The following PEBP4 variants were observed in gnomAD, a reference collection of about 807,000 sequenced individuals.
PEBP4 encodes phosphatidylethanolamine-binding protein 4.
PEBP4 carries 22 observed loss-of-function variants against 23.9 expected under a neutral mutation model. The ratio of observed to expected loss-of-function variants is 0.92; its 90% CI spans 0.66 to 1.31. The LOEUF (loss-of-function observed/expected upper bound fraction) is 1.31, where lower values mean the gene tolerates loss of function less well. Ranked by LOEUF, PEBP4 falls within the 40% of genes most tolerant of loss-of-function variation. The pLI is 0.00. For missense variants in PEBP4, 324 were observed against 281.7 expected (o/e 1.15, Z -1.07); for synonymous variants, 112 against 99.3 (o/e 1.13, Z -0.76).
rs114992934 is a variant in PEBP4, at chr8:22,718,184, G to C, written c.518-4648C>G. Among the ~76,000 whole-genome samples, 991 of 152,172 alleles carry C rather than the reference G, an allele frequency of 6.5e-3. 6 individuals carry two copies. The highest frequency in any genetic ancestry group is 0.022 in the African/African-American group (921 of 41,500). On this transcript the variant is annotated intron_variant, in intron 6 of 6. Coordinates refer to ENST00000256404, the MANE Select transcript of PEBP4 (RefSeq NM_144962.3). The stretch of plus-strand genomic sequence containing the variant: ...GCAGAGTTTCGGGGTGGTGAGGGGT[G>C]ACCTGCGTCTCCTCTGGAGAGAGGA...
chr8:22,736,107 T>C (rs1044993673), intron 4 of PEBP4, among the ~76,000 whole-genome samples: 1 of 152,134 alleles, frequency 6.6e-6, no homozygotes, highest in Admixed American at 6.6e-5. Flanking sequence ...GGGGAACTCC[T>C]GCTTGGCGAA....
At chr8:22,819,985 A>C (rs529462577) in intron 3 of PEBP4, among the ~76,000 whole-genome samples, 3 of 152,284 alleles carry the variant, frequency 2.0e-5, no homozygotes, top group East Asian at 1.9e-4. Flanking sequence ...TAGAGATGAC[A>C]GAGAGGAGGA....
intron 3 of PEBP4, among the ~76,000 whole-genome samples, chr8:22,862,524 G>A (rs577856955): frequency 7.0e-6 from 1 of 143,422 alleles, no homozygotes; most frequent in South Asian, 2.3e-4. Context: ...GAGGAGCTGG[G>A]AGTACAGTCA....
intron 3 of PEBP4, among the ~76,000 whole-genome samples, chr8:22,877,530 A>C (rs1257926350): frequency 1.3e-5 from 2 of 152,168 alleles, no homozygotes; most frequent in African/African-American, 4.8e-5. Flanking sequence ...ATGGCTGGGA[A>C]ACTAGCTGGG....
chr8:22,910,741 A>G (rs1808920255), intron 3 of PEBP4, among the ~76,000 whole-genome samples: 1 of 152,232 alleles, frequency 6.6e-6, no homozygotes. Flanking sequence ...CCAACTTTAC[A>G]ACATTCTGGA....
intron 3 of PEBP4, among the ~76,000 whole-genome samples, chr8:22,911,717 C>T (rs1010060506): frequency 3.3e-5 from 5 of 152,036 alleles, no homozygotes; most frequent in African/African-American, 1.2e-4. Context: ...CCCAACATAC[C>T]GCTGTGAACA....
At chr8:22,910,836 T>C (rs1379801757) in intron 3 of PEBP4, among the ~76,000 whole-genome samples, 1 of 152,198 alleles carries the variant, frequency 6.6e-6, no homozygotes, top group African/African-American at 2.4e-5. Flanking sequence ...ACGGAGGATT[T>C]TCAGGGCAAT....
intron 3 of PEBP4, among the ~76,000 whole-genome samples, chr8:22,844,378 T>G (rs1251671226): frequency 3.9e-5 from 6 of 152,186 alleles, no homozygotes; most frequent in Non-Finnish European, 4.4e-5. Flanking sequence ...TAGCTGGGAT[T>G]ACAGGCATGC....
At chr8:22,785,372 C>T (rs1159269011) in intron 4 of PEBP4, among the ~76,000 whole-genome samples, 1 of 152,182 alleles carries the variant, frequency 6.6e-6, no homozygotes, top group Non-Finnish European at 1.5e-5. Context: ...AAGTGCCCCT[C>T]TGCATTTCCT....
At position 22,859,243 on chromosome 8, in the gene PEBP4, A is replaced by G. The variant is rs1807717020; in HGVS notation, c.259-41508T>C. Among the ~76,000 whole-genome samples, 3 of 152,214 alleles carry G rather than the reference A, an allele frequency of 2.0e-5. No individual in the cohort carries two copies. In the South Asian group the frequency reaches 6.2e-4, roughly 32 times the overall value. On this transcript the variant is annotated intron_variant, in intron 3 of 6. Transcript: ENST00000256404. ...ACTCCCCCCGTGGAGCCTGCACCCC[A>G]GGAGAAAGTCAAAGATGGAAAATCC...
chr8:22,777,606 G>T (rs1805838655), intron 4 of PEBP4, among the ~76,000 whole-genome samples: 1 of 152,180 alleles, frequency 6.6e-6, no homozygotes, highest in South Asian at 2.1e-4. Flanking sequence ...AGCTCCATCG[G>T]ATACAGGGTT....
At chr8:22,773,616 G>A (rs765812822) in intron 4 of PEBP4, among the ~76,000 whole-genome samples, 7 of 152,134 alleles carry the variant, frequency 4.6e-5, no homozygotes, top group South Asian at 2.1e-4. Context: ...AAAGTCATCC[G>A]CAGGCCTTCC....
At chr8:22,743,410 C>T (rs1805041366) in intron 4 of PEBP4, among the ~76,000 whole-genome samples, 1 of 152,228 alleles carries the variant, frequency 6.6e-6, no homozygotes, top group Non-Finnish European at 1.5e-5. Context: ...ACTCATAAAA[C>T]AGGCTAATGA....
intron 6 of PEBP4, among the ~76,000 whole-genome samples, chr8:22,714,538 G>C (rs1335891272): frequency 6.6e-6 from 1 of 151,674 alleles, no homozygotes; most frequent in African/African-American, 2.4e-5. Flanking sequence ...CCTACTTTTT[G>C]TTGTTGTTGT....
At chr8:22,937,649 T>C (rs1055369380) in intron 1 of PEBP4, among the ~76,000 whole-genome samples, 41 of 152,312 alleles carry the variant, frequency 2.7e-4, no homozygotes, top group African/African-American at 8.7e-4. Flanking sequence ...GAAAACATAG[T>C]TGAAGGACTC....
intron 4 of PEBP4, among the ~76,000 whole-genome samples, chr8:22,778,983 TG>T (rs567778476): frequency 6.9e-6 from 1 of 144,822 alleles, no homozygotes; most frequent in Non-Finnish European, 1.5e-5. Context: ...TCTGCCTGCG[TG>T]GGGGGCACGG....
At position 22,748,980 on chromosome 8, in the gene PEBP4, G is replaced by A. The variant is rs79478314; in HGVS notation, c.358-21760C>T. 7.9e-5 allele frequency among the ~76,000 whole-genome samples: 12 copies of A among 152,272 alleles called. No individual in the cohort carries two copies. The East Asian group carries it at 2.3e-3, about 29-fold the overall frequency. On this transcript the variant is annotated intron_variant, in intron 4 of 6. Transcript: ENST00000256404. ...CTTTTTGCTCTGTGTACCCAGATGG[G>A]TCTGTGGAGAATTTGGGGGGTTCCA... is the stretch of plus-strand genomic sequence containing the variant.
At chr8:22,778,196 A>G (rs977293175) in intron 4 of PEBP4, among the ~76,000 whole-genome samples, 1 of 151,756 alleles carries the variant, frequency 6.6e-6, no homozygotes, top group South Asian at 2.1e-4. Flanking sequence ...GTGATTGTCC[A>G]TCTCGCCCCT....
chr8:22,914,042 T>C (rs541673044), intron 3 of PEBP4, among the ~76,000 whole-genome samples: 12 of 149,592 alleles, frequency 8.0e-5, no homozygotes, highest in Non-Finnish European at 1.0e-4. Context: ...GGCTGGAGTA[T>C]AGTGGCGCGA....
Sources: allele counts gnomAD v4.1 joint callset (sites outside exome capture counted in the v4.1 genomes callset), GRCh38; gene constraint gnomAD v4.1.1; transcripts MANE v1.5; gene names NCBI Gene and HGNC (gene_info 2026-07-23, HGNC 2026-07-21).